Variants in SLC38A4 observed in about 807,000 individuals in gnomAD.
The protein encoded by SLC38A4 is sodium-coupled neutral amino acid transporter 4.
Under a neutral mutation model 63.1 loss-of-function variants are expected in SLC38A4, and 20 were observed. That is an observed-to-expected ratio of 0.32 (90% CI 0.22 to 0.46). The LOEUF (loss-of-function observed/expected upper bound fraction) is 0.46, where lower values mean the gene tolerates loss of function less well. Ranked by LOEUF, SLC38A4 falls within the 20% of genes least tolerant of loss-of-function variation. The pLI, the probability that SLC38A4 is intolerant of heterozygous loss-of-function variation, is 1.00. For synonymous variants in SLC38A4, 230 were observed against 225.5 expected (o/e 1.02, Z -0.18); for missense variants, 526 against 663.6 (o/e 0.79, Z 2.28).
chr12:46,830,294 T>G (rs200942198), upstream of SLC38A4, among the ~76,000 whole-genome samples: 1 of 118,860 alleles, frequency 8.4e-6, no homozygotes, highest in South Asian at 3.2e-4. Flanking sequence ...TCTCTCTCTC[T>G]CTCTCACACA....
At chr12:46,831,443 G>C (rs1939729938) in intron 1 of SLC38A4, among the ~76,000 whole-genome samples, 1 of 152,168 alleles carries the variant, frequency 6.6e-6, no homozygotes, top group Non-Finnish European at 1.5e-5. Context: ...CTCGGTTGCC[G>C]CGACCCCACT....
rs139847142 is a variant in SLC38A4 at position 46,791,480 on chromosome 12, G to T, written c.119+1473C>A. On this transcript the variant is annotated intron_variant, in intron 3 of 16. Transcript: ENST00000266579. ...CATTGCACTGAGCTACTTGAAGGAA[G>T]AACGGTAGTTTCTCCTGATGGATTT... 4.1e-4 allele frequency among the ~76,000 whole-genome samples: 62 copies of T among 152,284 alleles called. 1 individual carries two copies. Among genetic ancestry groups the T allele is most frequent in the Non-Finnish European group, 6.8e-4 (46 of 68,020 alleles).
intron 16 of SLC38A4, among the ~76,000 whole-genome samples, chr12:46,767,452 T>C (rs1440665596): frequency 3.9e-5 from 6 of 152,048 alleles, no homozygotes; most frequent in African/African-American, 7.2e-5. Flanking sequence ...CATTTCACAA[T>C]TGGTCAAACT....
At position 46,778,300 on chromosome 12, in the gene SLC38A4, A is replaced by G. The variant is rs779655438; in HGVS notation, c.1062T>C (p.Ser354=). 6.2e-7 allele frequency: 1 copy of G among 1,612,524 alleles called. No individual in the cohort carries two copies. ...VCHPEVLPIY[S]ELKDRSRRKM... ...GATGGCTGCCTTACTCTTTAAGTTC[A>G]CTGTAGATGGGAAGGACCTCAGGGT... is the stretch of plus-strand genomic sequence containing the variant. The change falls in exon 12 of 17, where the codon AGT becomes AGC. Residue 354 remains serine, a synonymous_variant. Transcript: ENST00000266579.
chr12:46,796,920 C>A, intron 2 of SLC38A4, among the ~76,000 whole-genome samples: 1 of 152,124 alleles, frequency 6.6e-6, no homozygotes, highest in East Asian at 1.9e-4. Flanking sequence ...GAAGCTACTG[C>A]AGGGCTCCCT....
rs138679837 is a variant in SLC38A4, at chr12:46,773,505, C to T, written c.1299+1544G>A. Among the ~76,000 whole-genome samples, 79 of 152,152 alleles carry T rather than the reference C, an allele frequency of 5.2e-4. No individual in the cohort carries two copies. In the East Asian group the frequency reaches 0.014, roughly 27 times the overall value. Reference sequence around the variant, plus strand: ...TTAGTCATTTTTCTGAACTCTGGTTCTTATGGTCAATTTTGGTTCTAATGG... The same window carrying T: ...TTAGTCATTTTTCTGAACTCTGGTTTTTATGGTCAATTTTGGTTCTAATGG... On this transcript the variant is annotated intron_variant, in intron 14 of 16. Coordinates refer to ENST00000266579, the MANE Select transcript of SLC38A4 (RefSeq NM_018018.5).
At chr12:46,792,386 AGAG>A (rs1231951795) in intron 3 of SLC38A4, among the ~76,000 whole-genome samples, 1 of 152,130 alleles carries the variant, frequency 6.6e-6, no homozygotes, top group Non-Finnish European at 1.5e-5. Flanking sequence ...GGGGATTACT[AGAG>A]GAGGAGCAGG....
chr12:46,830,996 A>C (rs1044957236), upstream of SLC38A4, among the ~76,000 whole-genome samples: 11 of 152,146 alleles, frequency 7.2e-5, no homozygotes, highest in African/African-American at 2.7e-4. Context: ...CGTATCCCTG[A>C]GTTTCCTAAC....
chr12:46,769,303 T>C lies in SLC38A4; in HGVS notation c.1425A>G (p.Lys475=), dbSNP rs756731873. 6 of 1,613,014 alleles carry C rather than the reference T, an allele frequency of 3.7e-6. No individual in the cohort carries two copies. The African/African-American group carries it at 8.0e-5, about 22-fold the overall frequency. The change falls in exon 15 of 17, where the codon AAA becomes AAG. Residue 475 remains lysine, a synonymous_variant. Coordinates refer to ENST00000266579, the MANE Select transcript of SLC38A4 (RefSeq NM_018018.5). ...ACTCACCTATGAATCCGAAGATGTA[T>C]TTTATAGTTGGCACAAGGATGACCA... ...NVLVILVPTI[K]YIFGFIGASS...
chr12:46,806,940 C>T (rs1034107111), intron 1 of SLC38A4, among the ~76,000 whole-genome samples: 1 of 151,562 alleles, frequency 6.6e-6, no homozygotes, highest in Non-Finnish European at 1.5e-5. Flanking sequence ...TTTCTACCTC[C>T]AACAATGACC....
chr12:46,817,883 C>T (rs990069302), intron 1 of SLC38A4, among the ~76,000 whole-genome samples: 2 of 151,534 alleles, frequency 1.3e-5, no homozygotes, highest in Non-Finnish European at 2.9e-5. Context: ...CTTAGATATA[C>T]TAATAAAGTA....
At chr12:46,800,820 G>A (rs1313871284) in intron 2 of SLC38A4, among the ~76,000 whole-genome samples, 4 of 152,098 alleles carry the variant, frequency 2.6e-5, no homozygotes, top group Non-Finnish European at 4.4e-5. Context: ...AATTTGATAT[G>A]ATCTGTGTTA....
At chr12:46,769,217 T>A in intron 15 of SLC38A4, 67 bp downstream of exon 15, 1 of 1,565,920 alleles carries the variant, frequency 6.4e-7, no homozygotes, top group Non-Finnish European at 8.8e-7. Flanking sequence ...CCAGCACTGG[T>A]TCCCTGTCCA....
chr12:46,806,689 C>T (rs575318489), intron 1 of SLC38A4, among the ~76,000 whole-genome samples: 5 of 152,062 alleles, frequency 3.3e-5, no homozygotes, highest in African/African-American at 1.2e-4. Flanking sequence ...TCTTCATTTT[C>T]CTTACATAGA....
Position 46,831,272 on chromosome 12 carries a change from G to T in SLC38A4, c.-108+1055C>A. ...CGCTCGCCACCTCTCCTGGACTCAA[G>T]GGTGCTCCCGGCTTACGCTTCTCGG... On this transcript the variant is annotated intron_variant, in intron 1 of 6. Coordinates refer to the SLC38A4 transcript ENST00000546940. 1.3e-5 allele frequency among the ~76,000 whole-genome samples: 2 copies of T among 152,192 alleles called. 1 individual carries two copies. Among genetic ancestry groups the T allele is most frequent in the Admixed American group, 1.3e-4 (2 of 15,292 alleles).
intron 12 of SLC38A4, among the ~76,000 whole-genome samples, chr12:46,777,929 A>C (rs1300218029): frequency 6.6e-6 from 1 of 152,018 alleles, no homozygotes; most frequent in Non-Finnish European, 1.5e-5. Flanking sequence ...CCTAACCATA[A>C]GTTTTGGTCG....
intron 7 of SLC38A4, among the ~76,000 whole-genome samples, chr12:46,782,974 C>A (rs1938673799): frequency 1.4e-5 from 2 of 140,090 alleles, no homozygotes; most frequent in South Asian, 4.8e-4. Flanking sequence ...CTAGTATTTA[C>A]CAGTCTAGAG....
rs1459153583 is a variant in SLC38A4 at position 46,764,935 on chromosome 12, TA to T, written c.*1765del. The T allele has an allele frequency of 6.6e-6, 1 of 152,604 alleles. No homozygotes were observed. The highest frequency in any genetic ancestry group is 2.4e-5 in the African/African-American group (1 of 41,474). 9.5% of individuals were successfully genotyped at this position (152,604 alleles called of 1,614,324 possible). Reference sequence around the variant, plus strand: ...TATCATATGTATGTCTGCCCTGCAGTATATATGAATTTTAATCCTGGTTATG... The same window carrying T: ...TATCATATGTATGTCTGCCCTGCAGTTATATGAATTTTAATCCTGGTTATG... On this transcript the variant is annotated 3_prime_UTR_variant, in exon 17 of 17. Transcript: ENST00000266579.
Position 46,823,503 on chromosome 12 carries a change from G to T in SLC38A4, c.-305+2400C>A, listed in dbSNP as rs183128873. Among the ~76,000 whole-genome samples, 220 of 152,212 alleles carry T rather than the reference G, an allele frequency of 1.4e-3. 1 individual carries two copies. The highest frequency in any genetic ancestry group is 5.8e-4 in the East Asian group (3 of 5,184). The stretch of plus-strand genomic sequence containing the variant: ...ATGTTGAGACTTTGGAACCACCATT[G>T]CCAGCTACACTCCATCCTTTCCCAA... On this transcript the variant is annotated intron_variant, in intron 1 of 16. Coordinates refer to ENST00000266579, the MANE Select transcript of SLC38A4 (RefSeq NM_018018.5).
Sources: allele counts gnomAD v4.1 joint callset (sites outside exome capture counted in the v4.1 genomes callset), GRCh38; gene constraint gnomAD v4.1.1; transcripts MANE v1.5; gene names NCBI Gene and HGNC (gene_info 2026-07-23, HGNC 2026-07-21).